Variants in HAUS7 observed in about 807,000 individuals in gnomAD.
HAUS7 encodes the protein HAUS augmin-like complex subunit 7.
Under a neutral mutation model 28.4 loss-of-function variants are expected in HAUS7, and 3 were observed. The observed-to-expected ratio is 0.11, with a 90% CI of 0.05 to 0.27. The LOEUF (loss-of-function observed/expected upper bound fraction) is 0.27, where lower values mean the gene tolerates loss of function less well. Ranked by LOEUF, HAUS7 falls within the 10% of genes least tolerant of loss-of-function variation. HAUS7 has a pLI of 1.00. For synonymous variants in HAUS7, 165 were observed against 132.1 expected, an observed-to-expected ratio of 1.25 and a Z score of -1.71; for missense variants, 284 against 297.3, an observed-to-expected ratio of 0.96 and a Z score of 0.33.
chrX:153,453,881 G>A (rs1265824173), intron 9 of HAUS7, among the ~76,000 whole-genome samples: 4 of 105,593 alleles, frequency 3.8e-5, no homozygotes, highest in South Asian at 4.2e-4. Flanking sequence ...GTACTGTGGC[G>A]TGACCTCAGC....
intron 1 of HAUS7, among the ~76,000 whole-genome samples, chrX:153,494,233 C>G (rs2089690480): frequency 8.9e-6 from 1 of 112,220 alleles, no homozygotes; most frequent in South Asian, 3.7e-4. Context: ...AAGTGGCCAC[C>G]CACAGAGTGG....
chrX:153,485,987 G>A (rs1163957447), intron 1 of HAUS7: 43 of 978,883 alleles, frequency 4.4e-5, no homozygotes, highest in Non-Finnish European at 5.2e-5. Flanking sequence ...GGGCCTGCGC[G>A]CCTCGCTGGC....
intron 4 of HAUS7, among the ~76,000 whole-genome samples, chrX:153,458,400 C>T (rs1284424724): frequency 2.7e-5 from 3 of 113,169 alleles, no homozygotes; most frequent in Non-Finnish European, 3.7e-5. Flanking sequence ...TGGAATCATA[C>T]ACTACCAAGC....
chrX:153,468,412 G>A (rs1337798342), intron 2 of HAUS7, among the ~76,000 whole-genome samples: 2 of 112,832 alleles, frequency 1.8e-5, no homozygotes, highest in Admixed American at 1.8e-4. Context: ...AGGAGCCTGT[G>A]CTCTGTGGGA....
chrX:153,451,336 T>C (rs1556981053), intron 9 of HAUS7, among the ~76,000 whole-genome samples: 1 of 112,693 alleles, frequency 8.9e-6, no homozygotes, highest in African/African-American at 3.2e-5. Flanking sequence ...TGGCATAGAT[T>C]ATAAGCAGTT....
At chrX:153,451,765 G>C (rs782667393) in intron 9 of HAUS7, among the ~76,000 whole-genome samples, 1 of 112,073 alleles carries the variant, frequency 8.9e-6, no homozygotes, top group Non-Finnish European at 1.9e-5. Flanking sequence ...GGAAAGCTCT[G>C]GCACAGTCCT....
chrX:153,462,192 TG>T, intron 4 of HAUS7: 1 of 1,028,810 alleles, frequency 9.7e-7, no homozygotes, highest in Non-Finnish European at 1.3e-6. Flanking sequence ...AGAAGGTGGG[TG>T]CTGGAGTTTC....
intron 8 of HAUS7, chrX:153,454,964 A>C: frequency 9.8e-7 from 1 of 1,021,217 alleles, no homozygotes; most frequent in South Asian, 1.8e-5. Context: ...AATGAACATC[A>C]CGGAATCCTT....
chrX:153,467,266 C>T (rs2089465190), intron 2 of HAUS7, among the ~76,000 whole-genome samples: 1 of 112,072 alleles, frequency 8.9e-6, no homozygotes, highest in Non-Finnish European at 1.9e-5. Flanking sequence ...CAGCGCAGGG[C>T]TCCTTCTGTC....
chrX:153,452,893 A>C lies in HAUS7; in HGVS notation c.1045+1501T>G, dbSNP rs782280227. On this transcript the variant is annotated intron_variant, in intron 9 of 9. Transcript: ENST00000370211. ...CAGCTACCCGGGAGGCTGAGGCAGA[A>C]TTGCTTCAACCCAGGAGGTGGAGGT... Among the ~76,000 whole-genome samples, 15 of 111,891 alleles carry C rather than the reference A, an allele frequency of 1.3e-4. No individual in the cohort carries two copies. The South Asian group carries it at 2.6e-3, about 19-fold the overall frequency.
chrX:153,480,893 C>T, intron 1 of HAUS7: 3 of 754,521 alleles, frequency 4.0e-6, no homozygotes, highest in Non-Finnish European at 4.7e-6. Flanking sequence ...GGCAGGCCGG[C>T]AGGGACCCTC....
intron 7 of HAUS7, 73 bp downstream of exon 7, chrX:153,456,192 T>C: frequency 1.2e-6 from 1 of 815,506 alleles, no homozygotes; most frequent in Non-Finnish European, 1.8e-6. Flanking sequence ...CGCCTAAGCC[T>C]CACGTGCTGA....
chrX:153,455,530 G>A lies in HAUS7; in HGVS notation c.930+12C>T, dbSNP rs1556981927. 1.8e-6 allele frequency: 2 copies of A among 1,114,385 alleles called. No homozygotes were observed. The highest frequency in any genetic ancestry group is 1.8e-5 in the South Asian group (1 of 54,765). 91.8% of individuals were successfully genotyped at this position (1,114,385 alleles called of 1,213,427 possible). A position where few individuals can be genotyped will look rare whatever the true frequency, so the allele number is the denominator to read the frequency against. The stretch of plus-strand genomic sequence containing the variant: ...AGGGGGCGGTTAGAGGGGAGGGGAA[G>A]GGCACCCTTACTTGGCTGTAGGAAG... On this transcript the variant is annotated intron_variant, in intron 8 of 9. Transcript: ENST00000370211.
At chrX:153,455,090 G>A (rs1556981812) in intron 8 of HAUS7, 6 of 867,315 alleles carry the variant, frequency 6.9e-6, no homozygotes, top group African/African-American at 4.1e-5. Flanking sequence ...AAACATTGAC[G>A]AGCCCACTTC....
intron 8 of HAUS7, 95 bp from the exon 9 acceptor site, chrX:153,454,603 C>T: frequency 1.8e-6 from 1 of 546,095 alleles, no homozygotes; most frequent in Non-Finnish European, 3.1e-6. Flanking sequence ...TCCTGCTTCC[C>T]ACCCCCACTC....
At chrX:153,493,018 G>A (rs1242498297) in intron 1 of HAUS7, among the ~76,000 whole-genome samples, 4 of 112,016 alleles carry the variant, frequency 3.6e-5, no homozygotes, top group Non-Finnish European at 5.6e-5. Flanking sequence ...TTTCTGAAAC[G>A]GCTTTACTGA....
In HAUS7 at chrX:153,464,232, G is replaced by A. The variant is rs868987675; in HGVS notation, c.292+756C>T. Among the ~76,000 whole-genome samples, 32 of 112,566 alleles carry A rather than the reference G, an allele frequency of 2.8e-4. 1 individual carries two copies. The Middle Eastern group carries it at 0.028, about 97-fold the overall frequency. Reference sequence around the variant, plus strand: ...GTCAGGGCTAAGGCTGGGCTGGGTCGGGTCACACATGTGTTGGTGTGGGTC... The same window carrying A: ...GTCAGGGCTAAGGCTGGGCTGGGTCAGGTCACACATGTGTTGGTGTGGGTC... On this transcript the variant is annotated intron_variant, in intron 3 of 9. Coordinates refer to ENST00000370211, the MANE Select transcript of HAUS7 (RefSeq NM_001385482.1).
intron 4 of HAUS7, 128 bp downstream of exon 4, chrX:153,462,482 C>T (rs1028295918): frequency 4.5e-5 from 26 of 584,097 alleles, no homozygotes; most frequent in Non-Finnish European, 7.1e-5. Flanking sequence ...CCAGCCGGCC[C>T]CAGGGCCTGA....
intron 2 of HAUS7, 120 bp from the exon 3 acceptor site, chrX:153,465,175 C>A (rs974081624): frequency 3.1e-5 from 14 of 452,571 alleles, no homozygotes; most frequent in Non-Finnish European, 5.4e-5. Context: ...GAGCGGCTCA[C>A]TTTAAAGTGG....
Sources: allele counts gnomAD v4.1 joint callset (sites outside exome capture counted in the v4.1 genomes callset), GRCh38; gene constraint gnomAD v4.1.1; transcripts MANE v1.5; gene names NCBI Gene and HGNC (gene_info 2026-07-23, HGNC 2026-07-21).